Variants in CAMK1D observed in about 807,000 individuals in gnomAD.
CAMK1D encodes the protein calcium/calmodulin dependent protein kinase ID.
In CAMK1D, 9 loss-of-function variants were observed where a neutral mutation model predicts 47.7. The observed-to-expected ratio is 0.19, with a 90% CI of 0.11 to 0.33. CAMK1D has a LOEUF of 0.33. Among genes scored for constraint, CAMK1D ranks in the 10% least tolerant of loss-of-function variants. The pLI is 1.00. For synonymous variants in CAMK1D, 184 were observed against 184.9 expected, an observed-to-expected ratio of 0.99 and a Z score of 0.04; for missense variants, 291 against 488.7, an observed-to-expected ratio of 0.60 and a Z score of 3.81.
intron 3 of CAMK1D, among the ~76,000 whole-genome samples, chr10:12,747,173 A>C (rs75598000): frequency 0.025 from 3,817 of 152,230 alleles, 106 homozygotes; most frequent in Middle Eastern, 0.061. Flanking sequence ...CTGGGACTAC[A>C]GGCGCACACC....
At position 12,579,276 on chromosome 10, in the gene CAMK1D, A is replaced by G. The variant is rs60296481; in HGVS notation, c.224+25920A>G. ...GGTCTGCAGTTACAGAGTCCTGCAT[A>G]GCATTCCTCATATCTTTCCCTTCCT... On this transcript the variant is annotated intron_variant, in intron 2 of 10. Transcript: ENST00000619168. 2.4e-3 allele frequency among the ~76,000 whole-genome samples: 367 copies of G among 152,268 alleles called. 1 individual carries two copies. Among genetic ancestry groups the G allele is most frequent in the African/African-American group, 8.6e-3 (356 of 41,540 alleles).
At chr10:12,445,474 C>A (rs112154412) in intron 1 of CAMK1D, among the ~76,000 whole-genome samples, 1 of 152,162 alleles carries the variant, frequency 6.6e-6, no homozygotes, top group Non-Finnish European at 1.5e-5. Flanking sequence ...CCTGTTTGCT[C>A]TTGTTCCTTG....
At chr10:12,682,725 A>G (rs1169121707) in intron 3 of CAMK1D, among the ~76,000 whole-genome samples, 3 of 152,200 alleles carry the variant, frequency 2.0e-5, no homozygotes, top group African/African-American at 7.2e-5. Flanking sequence ...AAAATAATAC[A>G]TGTTAAAAAA....
At chr10:12,823,855 C>A (rs1427655504) in intron 8 of CAMK1D, among the ~76,000 whole-genome samples, 1 of 151,762 alleles carries the variant, frequency 6.6e-6, no homozygotes, top group Non-Finnish European at 1.5e-5. Flanking sequence ...GGGTGGGGGG[C>A]ATGGGCTCAC....
chr10:12,427,698 C>CTTTTTT (rs1588474191), intron 1 of CAMK1D, among the ~76,000 whole-genome samples: 2 of 27,394 alleles, frequency 7.3e-5, no homozygotes, highest in East Asian at 1.0e-3. Context: ...ACTGAACTTA[C>CTTTTTT]TGTTTTTTTT....
chr10:12,792,960 G>GCACA (rs57459634), intron 6 of CAMK1D, among the ~76,000 whole-genome samples: 3 of 68,324 alleles, frequency 4.4e-5, no homozygotes, highest in African/African-American at 1.4e-4. Context: ...ATGTGTGCGC[G>GCACA]CACACACACA....
At chr10:12,607,551 A>G (rs903064009) in intron 2 of CAMK1D, among the ~76,000 whole-genome samples, 1 of 152,204 alleles carries the variant, frequency 6.6e-6, no homozygotes, top group Non-Finnish European at 1.5e-5. Flanking sequence ...TAAACCTTCC[A>G]GGAGTTCCTG....
At chr10:12,371,765 C>G (rs1343653520) in intron 1 of CAMK1D, among the ~76,000 whole-genome samples, 1 of 151,632 alleles carries the variant, frequency 6.6e-6, no homozygotes, top group Non-Finnish European at 1.5e-5. Context: ...GCGTGGTGGT[C>G]AAGTGATTCT....
chr10:12,758,814 C>A (rs1836356432), intron 3 of CAMK1D, among the ~76,000 whole-genome samples: 1 of 152,076 alleles, frequency 6.6e-6, no homozygotes, highest in Admixed American at 6.6e-5. Context: ...AGCGTTCTTG[C>A]CAGAGGTCAT....
At chr10:12,527,477 C>T (rs1003115478) in intron 1 of CAMK1D, among the ~76,000 whole-genome samples, 2 of 151,376 alleles carry the variant, frequency 1.3e-5, no homozygotes, top group East Asian at 1.9e-4. Context: ...GCCACAGCCT[C>T]CTGAGTAACT....
At chr10:12,372,829 C>T (rs1838043625) in intron 1 of CAMK1D, among the ~76,000 whole-genome samples, 2 of 152,178 alleles carry the variant, frequency 1.3e-5, no homozygotes, top group Non-Finnish European at 2.9e-5. Flanking sequence ...CTGGGTCTCA[C>T]TGTCTTTCCC....
chr10:12,780,134 T>C (rs1837429457), intron 5 of CAMK1D, among the ~76,000 whole-genome samples: 2 of 152,104 alleles, frequency 1.3e-5, no homozygotes. Flanking sequence ...AGTTAGAGGA[T>C]TGGTGTTAAT....
intron 1 of CAMK1D, among the ~76,000 whole-genome samples, chr10:12,489,931 G>A (rs1019292364): frequency 6.6e-6 from 1 of 152,172 alleles, no homozygotes; most frequent in African/African-American, 2.4e-5. Context: ...CATTCAGCCC[G>A]AGAGGAATGT....
chr10:12,828,747 C>G, intron 10 of CAMK1D, 22 bp from the exon 11 acceptor site: 5 of 1,591,426 alleles, frequency 3.1e-6, no homozygotes, highest in Non-Finnish European at 4.3e-6. Context: ...ACTCTGAAGC[C>G]CACTTCTGCT....
At chr10:12,786,802 A>G (rs1364296828) in intron 5 of CAMK1D, among the ~76,000 whole-genome samples, 2 of 152,202 alleles carry the variant, frequency 1.3e-5, no homozygotes, top group Non-Finnish European at 2.9e-5. Context: ...AAATTATTTA[A>G]GTGTAGTTAG....
At chr10:12,543,665 AGCCAAG>A (rs1836271799) in intron 1 of CAMK1D, among the ~76,000 whole-genome samples, 1 of 152,208 alleles carries the variant, frequency 6.6e-6, no homozygotes, top group Non-Finnish European at 1.5e-5. Flanking sequence ...GTCTGTTTTT[AGCCAAG>A]GCATCCTTAG....
At chr10:12,806,870 A>G (rs1206245857) in intron 6 of CAMK1D, among the ~76,000 whole-genome samples, 1 of 152,102 alleles carries the variant, frequency 6.6e-6, no homozygotes, top group Non-Finnish European at 1.5e-5. Flanking sequence ...ATATGCCAAG[A>G]CCGTGGGGAC....
chr10:12,819,841 C>T (rs961360389), intron 8 of CAMK1D, among the ~76,000 whole-genome samples: 9 of 151,970 alleles, frequency 5.9e-5, no homozygotes, highest in East Asian at 1.9e-4. Context: ...CGCGGGGCAG[C>T]GTGGCAGGGA....
chr10:12,630,839 T>C (rs1839359997), intron 2 of CAMK1D, among the ~76,000 whole-genome samples: 1 of 152,176 alleles, frequency 6.6e-6, no homozygotes, highest in Admixed American at 6.5e-5. Flanking sequence ...TAGCAACTTG[T>C]AAAATGCCAT....
Sources: allele counts gnomAD v4.1 joint callset (sites outside exome capture counted in the v4.1 genomes callset), GRCh38; gene constraint gnomAD v4.1.1; transcripts MANE v1.5; gene names NCBI Gene and HGNC (gene_info 2026-07-23, HGNC 2026-07-21).